The following CYRIB variants were observed in gnomAD, a reference collection of about 807,000 sequenced individuals.
CYRIB encodes the protein CYFIP related Rac1 interactor B, also known as CYFIP-related Rac1 interactor B.
A neutral mutation model predicts 44.2 loss-of-function variants in CYRIB; 8 were observed. That is an observed-to-expected ratio of 0.18 (90% confidence interval 0.11 to 0.33). The LOEUF (loss-of-function observed/expected upper bound fraction) is 0.33. CYRIB is among the 10% of genes least tolerant of loss of function. The probability of loss-of-function intolerance (pLI) is 1.00; values close to 1 mark genes in which losing one functional copy is unlikely to be tolerated. For synonymous variants in CYRIB, 131 were observed against 127.2 expected (o/e 1.03, Z -0.20); for missense variants, 185 against 382.8 (o/e 0.48, Z 4.31).
At chr8:129,878,528 A>G (rs1257170047) in intron 3 of CYRIB, among the ~76,000 whole-genome samples, 2 of 152,232 alleles carry the variant, frequency 1.3e-5, no homozygotes, top group Admixed American at 1.3e-4. Flanking sequence ...TCACATGATT[A>G]AAAACCTAAG....
chr8:129,857,822 A>G (rs2047011771), intron 5 of CYRIB, among the ~76,000 whole-genome samples: 1 of 152,226 alleles, frequency 6.6e-6, no homozygotes, highest in Admixed American at 6.5e-5. Flanking sequence ...AGAAAAAAAC[A>G]TTTTTACAAA....
At chr8:129,895,595 ATT>A (rs2067638341) in intron 2 of CYRIB, among the ~76,000 whole-genome samples, 1 of 152,102 alleles carries the variant, frequency 6.6e-6, no homozygotes, top group South Asian at 2.1e-4. Flanking sequence ...AATTTCAATC[ATT>A]TTGTCATTTA....
At chr8:129,957,768 A>G (rs536975759) in intron 2 of CYRIB, among the ~76,000 whole-genome samples, 1 of 152,158 alleles carries the variant, frequency 6.6e-6, no homozygotes, top group Admixed American at 6.5e-5. Flanking sequence ...GATCAAGACC[A>G]TCCTGGCTAA....
chr8:129,890,035 A>G (rs2134695524), intron 2 of CYRIB, among the ~76,000 whole-genome samples: 1 of 152,254 alleles, frequency 6.6e-6, no homozygotes, highest in Non-Finnish European at 1.5e-5. Context: ...CGGACTCCCA[A>G]AGTGCTAGGA....
intron 2 of CYRIB, among the ~76,000 whole-genome samples, chr8:129,898,043 C>T (rs1048990624): frequency 1.3e-5 from 2 of 151,622 alleles, no homozygotes; most frequent in African/African-American, 4.8e-5. Context: ...GAATTACAGG[C>T]GTGAGCCACT....
At chr8:129,905,020 T>G (rs575799671) in intron 1 of CYRIB, among the ~76,000 whole-genome samples, 1 of 152,174 alleles carries the variant, frequency 6.6e-6, no homozygotes, top group Non-Finnish European at 1.5e-5. Context: ...AAAACAGATT[T>G]TAGACATTAG....
intron 10 of CYRIB, 56 bp downstream of exon 12, chr8:129,849,187 C>G (rs1432288046): frequency 1.3e-6 from 2 of 1,499,450 alleles, no homozygotes; most frequent in East Asian, 4.6e-5. Flanking sequence ...AAATAAAATC[C>G]TATGGTTTCC....
chr8:129,989,844 T>A (rs1321306289), intron 1 of CYRIB, among the ~76,000 whole-genome samples: 1 of 137,434 alleles, frequency 7.3e-6, no homozygotes, highest in African/African-American at 2.7e-5. Flanking sequence ...CCTTCTTGTG[T>A]CCATGTGTTC....
intron 1 of CYRIB, among the ~76,000 whole-genome samples, chr8:129,930,042 C>T (rs565783605): frequency 6.6e-6 from 1 of 152,038 alleles, no homozygotes; most frequent in Admixed American, 6.5e-5. Context: ...GAAACCCCAT[C>T]TCTACTAAAA....
In CYRIB at chr8:129,960,350, T is replaced by C. The variant is rs181136506; in HGVS notation, c.-243+10593A>G. Among the ~76,000 whole-genome samples, 821 of 152,276 alleles carry C rather than the reference T, an allele frequency of 5.4e-3. 3 individuals are homozygous for C. Among genetic ancestry groups the C allele is most frequent in the Middle Eastern group, 0.01 (3 of 294 alleles). ...TAGCTCGTACCTGTAATCCCAGCAC[T>C]TTGGGAGGCCAAGGTGGGTGGATCA... On this transcript the variant is annotated intron_variant, in intron 2 of 14. Coordinates refer to the CYRIB transcript ENST00000401979.
rs1235935230 is a variant in CYRIB, at chr8:130,006,662, G to GTA, written c.-296+9706_-296+9707dup. ...TGTGTATATATATACATATATATAT[G>GTA]TATATATATATGTATATATATACAC... On this transcript the variant is annotated intron_variant, in intron 1 of 14. Transcript: ENST00000401979. 7.2e-4 allele frequency among the ~76,000 whole-genome samples: 79 copies of GTA among 109,548 alleles called. 3 individuals carry two copies. The highest frequency in any genetic ancestry group is 2.4e-3 in the African/African-American group (74 of 30,992). 71.9% of individuals were successfully genotyped at this position (109,548 alleles called of 152,430 possible). A position where few individuals can be genotyped will look rare whatever the true frequency, so the allele number is the denominator to read the frequency against.
At chr8:129,843,896 C>A (rs2038098676) in intron 11 of CYRIB, 3 of 152,064 alleles carry the variant, frequency 2.0e-5, no homozygotes, top group Non-Finnish European at 4.4e-5. Context: ...TATCAGCGTG[C>A]CTGGCACATA....
At chr8:129,872,397 A>G (rs1290272531) in intron 3 of CYRIB, among the ~76,000 whole-genome samples, 2 of 152,144 alleles carry the variant, frequency 1.3e-5, no homozygotes, top group East Asian at 1.9e-4. Flanking sequence ...GCCACAAAAC[A>G]TATGTTAATG....
At chr8:129,900,131 T>C (rs1380532641) in intron 2 of CYRIB, among the ~76,000 whole-genome samples, 1 of 152,112 alleles carries the variant, frequency 6.6e-6, no homozygotes, top group Non-Finnish European at 1.5e-5. Flanking sequence ...CTCAACTCCC[T>C]AATTTTATGA....
At chr8:129,980,848 G>T (rs2096205547) in intron 1 of CYRIB, among the ~76,000 whole-genome samples, 4 of 151,844 alleles carry the variant, frequency 2.6e-5, no homozygotes, top group Admixed American at 2.6e-4. Context: ...GCTGGTCGTG[G>T]TGGTGCACAC....
intron 2 of CYRIB, among the ~76,000 whole-genome samples, chr8:129,958,318 C>T (rs936211879): frequency 6.6e-6 from 1 of 152,192 alleles, no homozygotes; most frequent in Non-Finnish European, 1.5e-5. Context: ...AAACATTCTG[C>T]ACCAGCACAC....
intron 2 of CYRIB, among the ~76,000 whole-genome samples, chr8:129,946,892 G>A (rs182927115): frequency 6.6e-6 from 1 of 152,114 alleles, no homozygotes; most frequent in East Asian, 1.9e-4. Context: ...CTCTTCACTT[G>A]GCTGTTTGTC....
intron 1 of CYRIB, among the ~76,000 whole-genome samples, chr8:129,988,293 C>T (rs1042620180): frequency 1.3e-5 from 2 of 152,172 alleles, no homozygotes; most frequent in Admixed American, 6.5e-5. Context: ...TGCTTCGGCA[C>T]GCTGCTGACG....
chr8:129,874,876 G>A (rs930343683), intron 3 of CYRIB, among the ~76,000 whole-genome samples: 1 of 152,094 alleles, frequency 6.6e-6, no homozygotes, highest in African/African-American at 2.4e-5. Flanking sequence ...GGGGAAACAA[G>A]TAACACAAAG....
Sources: allele counts gnomAD v4.1 joint callset (sites outside exome capture counted in the v4.1 genomes callset), GRCh38; gene constraint gnomAD v4.1.1; transcripts MANE v1.5; gene names NCBI Gene and HGNC (gene_info 2026-07-23, HGNC 2026-07-21).